Variants in SMPX observed in about 807,000 individuals in gnomAD.
The protein encoded by SMPX is small muscular protein.
A neutral mutation model predicts 6.3 loss-of-function variants in SMPX; 2 were observed. The observed-to-expected ratio is 0.32, with a 90% CI of 0.13 to 0.99. The LOEUF (loss-of-function observed/expected upper bound fraction) is 0.99. SMPX is among the 50% of genes least tolerant of loss of function. The pLI is 0.49. For synonymous variants in SMPX, 32 were observed against 24.7 expected (o/e 1.30, Z -0.88); for missense variants, 60 against 66.8 (o/e 0.90, Z 0.36).
intron 4 of SMPX, chrX:21,727,259 A>G (rs2092798012): frequency 8.9e-6 from 1 of 112,656 alleles, no homozygotes; most frequent in African/African-American, 3.2e-5. Flanking sequence ...GTACAAAATG[A>G]TCAGGCAATG....
chrX:21,758,002 A>G lies in SMPX; in HGVS notation c.-73T>C. ...CCCAGGCAGCCAGATGCAAGAATAC[A>G]AAGCTCCTTGGAAGGTGGAAGGGGC... On this transcript the variant is annotated 5_prime_UTR_variant, in exon 1 of 5. Transcript: ENST00000379494. The G allele has an allele frequency of 3.1e-6, 1 of 327,714 alleles. No individual in the cohort carries two copies. The highest frequency in any genetic ancestry group is 9.8e-5 in the East Asian group (1 of 10,234). 27.0% of individuals were successfully genotyped at this position (327,714 alleles called of 1,213,427 possible). A position where few individuals can be genotyped will look rare whatever the true frequency, so the allele number is the denominator to read the frequency against.
intron 4 of SMPX, among the ~76,000 whole-genome samples, chrX:21,712,875 A>G (rs1376811161): frequency 8.9e-6 from 1 of 112,608 alleles, no homozygotes; most frequent in Non-Finnish European, 1.9e-5. Flanking sequence ...AGAAGTACCA[A>G]GAATCCTCCT....
At chrX:21,714,152 G>A (rs780024622) in intron 4 of SMPX, among the ~76,000 whole-genome samples, 38 of 111,787 alleles carry the variant, frequency 3.4e-4, no homozygotes, top group African/African-American at 1.2e-3. Context: ...GAAAAGGGGG[G>A]AAAAGGAAAC....
chrX:21,743,431 G>GAATA (rs1335671920), intron 3 of SMPX, among the ~76,000 whole-genome samples: 79 of 58,446 alleles, frequency 1.4e-3, no homozygotes, highest in African/African-American at 0.011. Flanking sequence ...ACACACACAC[G>GAATA]CATACACACA....
intron 4 of SMPX, among the ~76,000 whole-genome samples, chrX:21,711,824 G>C (rs1039055561): frequency 1.8e-5 from 2 of 112,306 alleles, no homozygotes; most frequent in African/African-American, 6.5e-5. Flanking sequence ...GTACTTGAGA[G>C]AAGGCAGTGG....
At chrX:21,719,510 T>C (rs2092789230) in intron 4 of SMPX, among the ~76,000 whole-genome samples, 1 of 98,727 alleles carries the variant, frequency 1.0e-5, no homozygotes, top group African/African-American at 4.0e-5. Context: ...AGAGTGAGAT[T>C]CCATCAAAAA....
intron 4 of SMPX, among the ~76,000 whole-genome samples, chrX:21,711,440 C>G (rs2092778585): frequency 1.8e-5 from 2 of 111,686 alleles, no homozygotes; most frequent in African/African-American, 6.5e-5. Context: ...GGTATGGCAA[C>G]CAGCTGAAAA....
intron 4 of SMPX, among the ~76,000 whole-genome samples, chrX:21,733,176 G>T (rs1394852187): frequency 5.4e-5 from 6 of 111,871 alleles, no homozygotes; most frequent in Non-Finnish European, 1.1e-4. Context: ...CTGATGTGGG[G>T]TATGAGATAG....
At position 21,754,911 on chromosome X, in the gene SMPX, G is replaced by A. The variant is rs930582899; in HGVS notation, c.-12-609C>T. Among the ~76,000 whole-genome samples, 4 of 112,547 alleles carry A rather than the reference G, an allele frequency of 3.6e-5. No individual in the cohort carries two copies. In the East Asian group the frequency reaches 8.4e-4, roughly 24 times the overall value. On this transcript the variant is annotated intron_variant, in intron 1 of 4. Transcript: ENST00000379494. ...TGCCCCTACCCAATGCTTTTGATAAGTTGCCTCATACAGAGCCCAGGCTCT... is the reference window on the plus strand; with the variant it reads ...TGCCCCTACCCAATGCTTTTGATAAATTGCCTCATACAGAGCCCAGGCTCT...
intron 2 of SMPX, among the ~76,000 whole-genome samples, chrX:21,749,534 G>T (rs1289014785): frequency 1.8e-5 from 2 of 111,631 alleles, no homozygotes; most frequent in Non-Finnish European, 3.8e-5. Flanking sequence ...CTGTGCCAAT[G>T]GTGGGAACAG....
At chrX:21,723,947 C>T (rs1322787644) in intron 4 of SMPX, among the ~76,000 whole-genome samples, 1 of 112,002 alleles carries the variant, frequency 8.9e-6, no homozygotes, top group Admixed American at 9.4e-5. Flanking sequence ...TTATCTGGGG[C>T]ATGAGCTCCT....
intron 4 of SMPX, among the ~76,000 whole-genome samples, chrX:21,717,941 T>C (rs1001028268): frequency 8.9e-6 from 1 of 112,247 alleles, no homozygotes; most frequent in African/African-American, 3.2e-5. Flanking sequence ...TGGCAGAGGT[T>C]CACTAGGATT....
At chrX:21,730,122 A>G (rs1042524190) in intron 4 of SMPX, among the ~76,000 whole-genome samples, 7 of 112,478 alleles carry the variant, frequency 6.2e-5, no homozygotes, top group African/African-American at 1.9e-4. Flanking sequence ...TCCTTCAGAG[A>G]AAGTGAATAG....
chrX:21,738,326 CTGT>C (rs2092812744), intron 3 of SMPX, among the ~76,000 whole-genome samples: 1 of 111,727 alleles, frequency 9.0e-6, no homozygotes, highest in African/African-American at 3.3e-5. Context: ...TACTTGTTGA[CTGT>C]TGTTTATTTG....
At chrX:21,743,626 A>G (rs2092818395) in intron 3 of SMPX, 124 bp downstream of exon 3, 1 of 559,830 alleles carries the variant, frequency 1.8e-6, no homozygotes, top group East Asian at 3.3e-5. Flanking sequence ...TTATTCCTTG[A>G]CACACAGCCA....
intron 4 of SMPX, among the ~76,000 whole-genome samples, chrX:21,726,320 C>T (rs1178497860): frequency 2.7e-5 from 3 of 112,184 alleles, no homozygotes; most frequent in Non-Finnish European, 5.6e-5. Context: ...AGATTCCCAA[C>T]CCTTCTCAGC....
chrX:21,708,162 T>C (rs897965756), intron 4 of SMPX, among the ~76,000 whole-genome samples: 2 of 112,673 alleles, frequency 1.8e-5, no homozygotes, highest in Admixed American at 1.9e-4. Flanking sequence ...ACCTTTTGTA[T>C]TGCCAATGGC....
At chrX:21,756,667 T>C (rs1300118825) in intron 1 of SMPX, among the ~76,000 whole-genome samples, 1 of 112,701 alleles carries the variant, frequency 8.9e-6, no homozygotes, top group Non-Finnish European at 1.9e-5. Flanking sequence ...CTATCAGGGA[T>C]GTAGAGTGCG....
chrX:21,729,424 G>A lies in SMPX; in HGVS notation c.*14+8125C>T, dbSNP rs1022427649. Among the ~76,000 whole-genome samples, 44 of 111,700 alleles carry A rather than the reference G, an allele frequency of 3.9e-4. 1 individual carries two copies. The highest frequency in any genetic ancestry group is 1.2e-3 in the African/African-American group (37 of 30,673). On this transcript the variant is annotated intron_variant, in intron 4 of 4. Transcript: ENST00000379494. ...TGTGGGATGTTTAATAGCATCCCTG[G>A]CCTCTCCTCACTAGAGGACAGTAGC...
Sources: gnomAD v4.1 joint callset for allele counts (sites outside exome capture counted in the v4.1 genomes callset) on GRCh38, gnomAD v4.1.1 for gene constraint, MANE v1.5 for transcripts, NCBI Gene and HGNC (gene_info 2026-07-23, HGNC 2026-07-21) for gene names.